The following CDH4 variants were observed in gnomAD, a reference collection of about 807,000 sequenced individuals.
CDH4 encodes the protein cadherin 4, also known as cadherin-4.
A neutral mutation model predicts 86.0 loss-of-function variants in CDH4; 33 were observed. The observed-to-expected ratio is 0.38, with a 90% CI of 0.29 to 0.51. CDH4 has a LOEUF of 0.51. CDH4 is among the 20% of genes least tolerant of loss of function. The pLI is 0.86. For missense variants in CDH4, 1,114 were observed against 1,307.4 expected (o/e 0.85, Z 2.28); for synonymous variants, 555 against 549.4 (o/e 1.01, Z -0.14).
intron 2 of CDH4, among the ~76,000 whole-genome samples, chr20:61,545,104 C>T (rs2086068434): frequency 6.6e-6 from 1 of 152,202 alleles, no homozygotes; most frequent in African/African-American, 2.4e-5. Context: ...AGGGTGCTTT[C>T]TGAGACCAAA....
At position 61,402,903 on chromosome 20, in the gene CDH4, C is replaced by T. The variant is rs369056176; in HGVS notation, c.169+147966C>T. ...GAGAAAATCCATTTTTCCTTTCTTC[C>T]TTATTTACAGATCCACAAATTTACA... is the stretch of plus-strand genomic sequence containing the variant. On this transcript the variant is annotated intron_variant, in intron 2 of 15. Coordinates refer to ENST00000614565, the MANE Select transcript of CDH4 (RefSeq NM_001794.5). 2.2e-4 allele frequency among the ~76,000 whole-genome samples: 33 copies of T among 152,242 alleles called. No homozygotes were observed. The East Asian group carries it at 3.7e-3, about 17-fold the overall frequency.
chr20:61,495,902 CAAAAAA>C (rs72458954), intron 2 of CDH4, among the ~76,000 whole-genome samples: 3 of 58,410 alleles, frequency 5.1e-5, no homozygotes, highest in East Asian at 5.6e-4. Context: ...GACTCCATCT[CAAAAAA>C]AAAAAAAAAA....
intron 2 of CDH4, among the ~76,000 whole-genome samples, chr20:61,722,249 G>C (rs1315511761): frequency 6.6e-6 from 1 of 152,164 alleles, no homozygotes. Flanking sequence ...GCCATGGTTG[G>C]AAAGTCAGGA....
At chr20:61,743,417 C>T in intron 2 of CDH4, 146 bp from the exon 3 acceptor site, 1 of 651,948 alleles carries the variant, frequency 1.5e-6, no homozygotes, top group Non-Finnish European at 2.7e-6. Context: ...AAACACACCA[C>T]CTTCTCGGGA....
chr20:61,904,706 G>A (rs546401964), intron 8 of CDH4, among the ~76,000 whole-genome samples: 1 of 152,342 alleles, frequency 6.6e-6, no homozygotes, highest in East Asian at 1.9e-4. Flanking sequence ...CTGCTGTGGG[G>A]AACAGAACTT....
intron 7 of CDH4, 60 bp downstream of exon 7, chr20:61,873,960 A>C (rs1983914487): frequency 6.3e-7 from 1 of 1,575,260 alleles, no homozygotes; most frequent in African/African-American, 1.3e-5. Context: ...CAGGACACCC[A>C]CAGGACCCTC....
chr20:61,707,384 A>G (rs1258260692), intron 2 of CDH4, among the ~76,000 whole-genome samples: 1 of 152,252 alleles, frequency 6.6e-6, no homozygotes, highest in Non-Finnish European at 1.5e-5. Flanking sequence ...TGGGCCTGTT[A>G]TACAGGGAAA....
Position 61,783,010 on chromosome 20 carries a change from C to T in CDH4, c.576+9828C>T, listed in dbSNP as rs1185444244. Among the ~76,000 whole-genome samples, 5 of 152,178 alleles carry T rather than the reference C, an allele frequency of 3.3e-5. No homozygotes were observed. In the East Asian group the frequency reaches 9.7e-4, roughly 29 times the overall value. ...TGAGGCATGAGAATCACTTGAACCC[C>T]GGAGGTAGAGGTTGCAGTGAGCCAA... On this transcript the variant is annotated intron_variant, in intron 4 of 15. Coordinates refer to ENST00000614565, the MANE Select transcript of CDH4 (RefSeq NM_001794.5).
chr20:61,767,777 G>A (rs186129598), intron 3 of CDH4, among the ~76,000 whole-genome samples: 1 of 152,258 alleles, frequency 6.6e-6, no homozygotes, highest in East Asian at 1.9e-4. Flanking sequence ...TGCAGCCCTG[G>A]GCAGGGCCCT....
chr20:61,319,785 TA>T (rs11351576), intron 2 of CDH4, among the ~76,000 whole-genome samples: 28,874 of 142,076 alleles, frequency 0.2, 2,697 homozygotes, highest in Middle Eastern at 0.33. Flanking sequence ...CCATCTCAAT[TA>T]AAAAAAAAAA....
chr20:61,369,806 C>G (rs890293336), intron 2 of CDH4: 3 of 151,676 alleles, frequency 2.0e-5, no homozygotes, highest in Non-Finnish European at 4.4e-5. Context: ...TCACAGAAGA[C>G]CCCTGCAGAG....
intron 4 of CDH4, among the ~76,000 whole-genome samples, chr20:61,800,988 G>A (rs1979799856): frequency 2.0e-5 from 3 of 152,188 alleles, no homozygotes; most frequent in Non-Finnish European, 4.4e-5. Context: ...AAGCATCTTG[G>A]TTGGGGGCAG....
At chr20:61,416,959 G>T (rs1042370256) in intron 2 of CDH4, among the ~76,000 whole-genome samples, 3 of 152,142 alleles carry the variant, frequency 2.0e-5, no homozygotes, top group Non-Finnish European at 4.4e-5. Flanking sequence ...TGCACATCTC[G>T]GGGGTTCTTC....
At chr20:61,882,828 C>T (rs369984236) in intron 7 of CDH4, among the ~76,000 whole-genome samples, 5 of 151,894 alleles carry the variant, frequency 3.3e-5, no homozygotes, top group Middle Eastern at 3.4e-3. Flanking sequence ...CCCAGCCCCC[C>T]GCCCCTTCCT....
At chr20:61,628,558 G>A (rs1229644531) in intron 2 of CDH4, among the ~76,000 whole-genome samples, 1 of 152,224 alleles carries the variant, frequency 6.6e-6, no homozygotes, top group African/African-American at 2.4e-5. Flanking sequence ...AGGAGGTCAG[G>A]TGCCCTTCCT....
At chr20:61,281,115 G>C (rs6071563) in intron 2 of CDH4, among the ~76,000 whole-genome samples, 81,152 of 152,062 alleles carry the variant, frequency 0.53, 22,425 homozygotes, top group South Asian at 0.62. Flanking sequence ...ACTGGAATTC[G>C]GGACAGCCCA....
rs2086137274 is a variant in CDH4 at position 61,552,242 on chromosome 20, CAAG to C, written c.170-191318_170-191316del. ...AATTGTATATATAAGAGTCTAGTAT[CAAG>C]AATATATAAAGAACTCTTACAACTT... On this transcript the variant is annotated intron_variant, in intron 2 of 15. Transcript: ENST00000614565. Among the ~76,000 whole-genome samples, 3 of 152,238 alleles carry C rather than the reference CAAG, an allele frequency of 2.0e-5. No individual in the cohort carries two copies. The South Asian group carries it at 6.2e-4, about 32-fold the overall frequency.
At chr20:61,512,989 T>C (rs1319553176) in intron 2 of CDH4, among the ~76,000 whole-genome samples, 1 of 152,244 alleles carries the variant, frequency 6.6e-6, no homozygotes, top group Non-Finnish European at 1.5e-5. Context: ...CCGTAGAGTT[T>C]TGTTTTTTTC....
chr20:61,555,104 CGTATGT>C (rs995811547), intron 2 of CDH4, among the ~76,000 whole-genome samples: 4 of 151,762 alleles, frequency 2.6e-5, no homozygotes, highest in Non-Finnish European at 4.4e-5. Flanking sequence ...CAGTATGAGC[CGTATGT>C]GTGTGTGTGT....
Sources: gnomAD v4.1 joint callset for allele counts (sites outside exome capture counted in the v4.1 genomes callset) on GRCh38, gnomAD v4.1.1 for gene constraint, MANE v1.5 for transcripts, NCBI Gene and HGNC (gene_info 2026-07-23, HGNC 2026-07-21) for gene names.